Variants in ARAP1 observed in about 807,000 individuals in gnomAD.
ARAP1 encodes ArfGAP with RhoGAP domain, ankyrin repeat and PH domain 1, also known as arf-GAP with Rho-GAP domain, ANK repeat and PH domain-containing protein 1.
Under a neutral mutation model 172.2 loss-of-function variants are expected in ARAP1, and 76 were observed. The observed-to-expected ratio is 0.44, with a 90% CI of 0.37 to 0.53. ARAP1 has a LOEUF of 0.53. Ranked by LOEUF, ARAP1 falls within the 20% of genes least tolerant of loss-of-function variation. The pLI is 0.00. For missense variants in ARAP1, 1,686 were observed against 1,977.5 expected (o/e 0.85, Z 2.80); for synonymous variants, 804 against 803.3 (o/e 1.00, Z -0.01).
At chr11:72,697,553 A>C (rs1418563960) in intron 20 of ARAP1, 45 bp downstream of exon 20, 9 of 1,613,312 alleles carry the variant, frequency 5.6e-6, no homozygotes, top group Admixed American at 1.7e-5. Context: ...GGCCCATCAG[A>C]CTGCTCCAGC....
rs919449278 is a variant in ARAP1, at chr11:72,712,720, C to T, written c.748-152G>A. The T allele has an allele frequency of 1.9e-5, 25 of 1,288,096 alleles. No individual in the cohort carries two copies. In the East Asian group the frequency reaches 2.4e-4, roughly 12 times the overall value. 79.8% of individuals were successfully genotyped at this position (1,288,096 alleles called of 1,614,324 possible). ...CCTCACACTCCCCTCCCCCTGCCAG[C>T]GGAGACCACACAGAGACCCAGATCA... On this transcript the variant is annotated intron_variant, in intron 5 of 34. Coordinates refer to ENST00000393609, the MANE Select transcript of ARAP1 (RefSeq NM_001040118.3).
Position 72,693,809 on chromosome 11 carries a change from G to A in ARAP1, c.3695-4C>T. On this transcript the variant is annotated splice_region_variant and splice_polypyrimidine_tract_variant and intron_variant, in intron 27 of 34. Coordinates refer to ENST00000393609, the MANE Select transcript of ARAP1 (RefSeq NM_001040118.3). This position sits in a 1 kb window ranked among gnomAD's most constrained non-coding sequence, Gnocchi z 4.6. ...TCCGCAAAGTGCAGGGGGCGCTCTG[G>A]GGAGAGGTCACACCTACCGTCACTG... is the stretch of plus-strand genomic sequence containing the variant. 1.3e-6 allele frequency: 2 copies of A among 1,592,154 alleles called. No homozygotes were observed. The highest frequency in any genetic ancestry group is 1.7e-6 in the Non-Finnish European group (2 of 1,170,348).
chr11:72,736,449 AG>A (rs1858028727), intron 1 of ARAP1, among the ~76,000 whole-genome samples: 1 of 152,028 alleles, frequency 6.6e-6, no homozygotes, highest in Non-Finnish European at 1.5e-5. Context: ...TCTGCAACAG[AG>A]GCAAGTGCCT....
Position 72,726,862 on chromosome 11 carries a change from G to A in ARAP1, c.267C>T (p.Phe89=). ...PRPVPMKRHI[F]RSPPVPATPP... is the part of the protein sequence containing the mutation. ...GAGTGGCAGGCACAGGTGGTGAGCG[G>A]AAGATGTGGCGCTTCATGGGCACAG... Residue 89 remains phenylalanine (F), a synonymous_variant, in exon 3 of 35, where the codon TTC becomes TTT. Transcript: ENST00000393609. The surrounding 1 kb of genome is among the most constrained non-coding windows in gnomAD (Gnocchi z 6.5). The A allele has an allele frequency of 6.4e-7, 1 of 1,563,632 alleles. No individual in the cohort carries two copies. Among genetic ancestry groups the A allele is most frequent in the African/African-American group, 1.4e-5 (1 of 73,940 alleles).
Position 72,711,465 on chromosome 11 carries a change from C to G in ARAP1, c.1057G>C (p.Asp353His). ...YIYQKRWVRL[D>H]TDHLRYFDSN... is the part of the protein sequence containing the mutation. ...TCAAAGTATCGCAGGTGATCAGTAT[C>G]CAGTCTCACCCATCGTTTCTGATAG... is the stretch of plus-strand genomic sequence containing the variant. The change falls in exon 8 of 35, where the codon GAT becomes CAT. Residue 353 changes from aspartate (D) to histidine (H), a missense_variant. Asp to His is a moderately conservative substitution (Grantham distance 81, BLOSUM62 -1). This residue lies in a region of ARAP1 where 688 missense variants were observed against 856.9 expected (regional missense o/e 0.80). Coordinates refer to ENST00000393609, the MANE Select transcript of ARAP1 (RefSeq NM_001040118.3). 6.2e-7 allele frequency: 1 copy of G among 1,613,110 alleles called. No individual in the cohort carries two copies. The highest frequency in any genetic ancestry group is 8.5e-7 in the Non-Finnish European group (1 of 1,179,176).
Position 72,685,637 on chromosome 11 carries a change from C to A in ARAP1, c.*27G>T, listed in dbSNP as rs1223816011. 1 of 1,614,136 alleles carries A rather than the reference C, an allele frequency of 6.2e-7. No individual in the cohort carries two copies. The highest frequency in any genetic ancestry group is 1.7e-5 in the Admixed American group (1 of 60,020). On this transcript the variant is annotated 3_prime_UTR_variant, in exon 35 of 35. Coordinates refer to ENST00000393609, the MANE Select transcript of ARAP1 (RefSeq NM_001040118.3). ...AACAGAAGGCTTCCAGCGGCGGAAT[C>A]CTAGAGCCAAGGATGGGCTCCTGTG...
At chr11:72,751,295 C>A (rs935228658) in intron 1 of ARAP1, among the ~76,000 whole-genome samples, 2 of 152,324 alleles carry the variant, frequency 1.3e-5, no homozygotes, top group Middle Eastern at 6.8e-3. Context: ...CTCAGACACA[C>A]CATCCAAATT....
intron 3 of ARAP1, among the ~76,000 whole-genome samples, chr11:72,720,085 A>G (rs925920534): frequency 4.6e-5 from 7 of 152,060 alleles, no homozygotes; most frequent in Non-Finnish European, 8.8e-5. Flanking sequence ...CCCATCCTAG[A>G]GTCACCACCT....
chr11:72,717,435 G>A (rs946315071), intron 3 of ARAP1, among the ~76,000 whole-genome samples: 1 of 152,172 alleles, frequency 6.6e-6, no homozygotes, highest in Non-Finnish European at 1.5e-5. Flanking sequence ...CAGAGCTGAG[G>A]GGAAGGTGGT....
At position 72,704,335 on chromosome 11, in the gene ARAP1, C is replaced by A; in HGVS notation, c.1810-1G>T. 1.3e-6 allele frequency: 2 copies of A among 1,572,124 alleles called. No individual in the cohort carries two copies. Among genetic ancestry groups the A allele is most frequent in the Non-Finnish European group, 1.7e-6 (2 of 1,159,484 alleles). Reference sequence around the variant, plus strand: ...CGCCATTCCCCAGCTGTAAGAAGAGCTGTGGGGGTGTGCAGGAGGTCAGAC... The same window carrying A: ...CGCCATTCCCCAGCTGTAAGAAGAGATGTGGGGGTGTGCAGGAGGTCAGAC... On this transcript the variant is annotated splice_acceptor_variant, in intron 13 of 34. Coordinates refer to ENST00000393609, the MANE Select transcript of ARAP1 (RefSeq NM_001040118.3). LOFTEE classifies it high-confidence loss of function.
rs61743509 is a variant in ARAP1 at position 72,726,914 on chromosome 11, G to A, written c.215C>T (p.Ala72Val). 2.0e-5 allele frequency: 32 copies of A among 1,588,668 alleles called. No homozygotes were observed. The African/African-American group carries it at 2.9e-4, about 15-fold the overall frequency. The change falls in exon 3 of 35, where the codon GCC becomes GTC. Residue 72 changes from alanine to valine, a missense_variant. By Grantham distance (64) the Ala-to-Val change is moderately conservative. Coordinates refer to ENST00000393609, the MANE Select transcript of ARAP1 (RefSeq NM_001040118.3). This position sits in a 1 kb window ranked among gnomAD's most constrained non-coding sequence, Gnocchi z 6.5. The part of the protein sequence containing the change: ...AGLLRAHTSP[A>V]PAPRPTPRPV... ...CCGTGGGGTGGGGCGGGGTGCAGGG[G>A]CCGGTGAGGTATGGGCACGGAGCAG...
intron 4 of ARAP1, 22 bp from the exon 5 acceptor site, chr11:72,713,265 G>C: frequency 6.2e-7 from 1 of 1,612,434 alleles, no homozygotes; most frequent in Non-Finnish European, 8.5e-7. Flanking sequence ...GGGGTTGGGG[G>C]GCCTCAGGGC....
Position 72,714,204 on chromosome 11 carries a change from A to G in ARAP1, c.627T>C (p.Pro209=). 6.6e-7 allele frequency: 1 copy of G among 1,508,086 alleles called. No homozygotes were observed. Among genetic ancestry groups the G allele is most frequent in the East Asian group, 2.6e-5 (1 of 38,440 alleles). The allele number at this position is 1,508,086 out of a possible 1,614,324, so 93.4% of individuals were successfully genotyped here. The change falls in exon 4 of 35, where the codon CCT becomes CCC. Residue 209 remains proline (P), a synonymous_variant. Coordinates refer to ENST00000393609, the MANE Select transcript of ARAP1 (RefSeq NM_001040118.3). ...TTGGAGGTATCTCCGGGGGGCAGGGAGGTGGAGAGGGAGGCTGGGGAGGCC... is the reference window on the plus strand; with the variant it reads ...TTGGAGGTATCTCCGGGGGGCAGGGGGGTGGAGAGGGAGGCTGGGGAGGCC... ...PQGPPQPPSP[P]PCPPEIPPKP...
chr11:72,695,329 C>G lies in ARAP1; in HGVS notation c.3576+58G>C. The G allele has an allele frequency of 6.2e-7, 1 of 1,608,250 alleles. No individual in the cohort carries two copies. The highest frequency in any genetic ancestry group is 1.1e-5 in the South Asian group (1 of 90,746). ...AGCACTGCTCCCCTGGCCATCTGAG[C>G]CTGTACCTGGCCCAGCCTGATTCTC... On this transcript the variant is annotated intron_variant, in intron 26 of 34. Transcript: ENST00000393609. This position sits in a 1 kb window ranked among gnomAD's most constrained non-coding sequence, Gnocchi z 4.4.
At position 72,714,322 on chromosome 11, in the gene ARAP1, C is replaced by T. The variant is rs1417044055; in HGVS notation, c.510-1G>A. The T allele has an allele frequency of 1.3e-6, 2 of 1,547,652 alleles. No individual in the cohort carries two copies. Among genetic ancestry groups the T allele is most frequent in the Non-Finnish European group, 1.7e-6 (2 of 1,145,390 alleles). On this transcript the variant is annotated splice_acceptor_variant, in intron 3 of 34. Transcript: ENST00000393609. LOFTEE classifies it high-confidence loss of function. ...TGACTCCTCCTCCTTAGTGGGCAGG[C>T]TGGGAACACAACAAAAGTTGGGCAT...
intron 1 of ARAP1, among the ~76,000 whole-genome samples, chr11:72,737,173 C>A (rs545294585): frequency 6.6e-6 from 1 of 152,274 alleles, no homozygotes; most frequent in South Asian, 2.1e-4. Flanking sequence ...CCCCATGTAT[C>A]CTGGAGTATC....
intron 4 of ARAP1, 104 bp from the exon 5 acceptor site, chr11:72,713,347 T>C: frequency 9.8e-7 from 1 of 1,020,022 alleles, no homozygotes; most frequent in Non-Finnish European, 1.5e-6. Context: ...AAGACCCCCA[T>C]CCCCACCTCC....
In ARAP1 at chr11:72,704,247, G is replaced by C. The variant is rs1387187123; in HGVS notation, c.1897C>G (p.Pro633Ala). 6 of 1,613,482 alleles carry C rather than the reference G, an allele frequency of 3.7e-6. No homozygotes were observed. Among genetic ancestry groups the C allele is most frequent in the Non-Finnish European group, 5.1e-6 (6 of 1,179,846 alleles). ...TCCAGGTGGCACCGCCGGGTGCTGGGGCTGCTGCTGGGCTGCAGGGCCTCA... is the reference window on the plus strand; with the variant it reads ...TCCAGGTGGCACCGCCGGGTGCTGGCGCTGCTGCTGGGCTGCAGGGCCTCA... The part of the protein sequence containing the change: ...PSEALQPSSS[P>A]STRRCHLEAK... Residue 633 changes from proline (P) to alanine (A), a missense_variant, in exon 14 of 35, where the codon CCC becomes GCC. Pro to Ala is a conservative substitution (Grantham distance 27). Transcript: ENST00000393609.
At chr11:72,720,572 A>G (rs1278314316) in intron 3 of ARAP1, among the ~76,000 whole-genome samples, 2 of 151,806 alleles carry the variant, frequency 1.3e-5, no homozygotes, top group African/African-American at 4.8e-5. Context: ...AATGACCACC[A>G]CCCTACTCGC....
Sources: gnomAD v4.1 joint callset for allele counts (sites outside exome capture counted in the v4.1 genomes callset) on GRCh38, gnomAD v4.1.1 for gene constraint, gnomAD v4.1.1 regional missense constraint, Gnocchi (gnomAD v3.1) non-coding constraint, MANE v1.5 for transcripts, NCBI Gene and HGNC (gene_info 2026-07-23, HGNC 2026-07-21) for gene names.